Variants in RASA3 observed in about 807,000 individuals in gnomAD.
RASA3 encodes ras GTPase-activating protein 3.
RASA3 carries 73 observed loss-of-function variants against 110.0 expected under a neutral mutation model. That is an observed-to-expected ratio of 0.66 (90% CI 0.55 to 0.81). The LOEUF (loss-of-function observed/expected upper bound fraction) is 0.81, where lower values mean the gene tolerates loss of function less well. Ranked by LOEUF, RASA3 falls within the 30% of genes least tolerant of loss-of-function variation. RASA3 has a pLI of 0.00. For synonymous variants in RASA3, 500 were observed against 451.4 expected, an observed-to-expected ratio of 1.11 and a Z score of -1.37; for missense variants, 976 against 1,113.2, an observed-to-expected ratio of 0.88 and a Z score of 1.75.
chr13:114,023,593 T>C (rs868560284), intron 8 of RASA3, among the ~76,000 whole-genome samples: 1 of 152,244 alleles, frequency 6.6e-6, no homozygotes. Flanking sequence ...GGGCACATTC[T>C]GACGCCTGCC....
At chr13:114,038,141 C>T (rs56326839) in intron 4 of RASA3, among the ~76,000 whole-genome samples, 6,649 of 152,158 alleles carry the variant, frequency 0.044, 211 homozygotes, top group Middle Eastern at 0.11. Flanking sequence ...AACTTGAATC[C>T]GAGGCAAACG....
intron 5 of RASA3, among the ~76,000 whole-genome samples, chr13:114,028,547 G>T (rs1277888346): frequency 6.7e-6 from 1 of 148,316 alleles, no homozygotes; most frequent in African/African-American, 2.5e-5. Context: ...CTCTAAAACA[G>T]CGTCATCCTG....
At chr13:114,118,378 TCTAA>T (rs1027248235) in intron 1 of RASA3, among the ~76,000 whole-genome samples, 2 of 152,112 alleles carry the variant, frequency 1.3e-5, no homozygotes, top group Non-Finnish European at 2.9e-5. Flanking sequence ...ATCACTTTAC[TCTAA>T]CTAATATTTG....
At chr13:114,111,526 AC>A (rs2080220534) in intron 1 of RASA3, among the ~76,000 whole-genome samples, 1 of 148,474 alleles carries the variant, frequency 6.7e-6, no homozygotes, top group African/African-American at 2.5e-5. Flanking sequence ...TGAGCCTCAA[AC>A]GAGCTGCAGG....
At chr13:114,063,815 AC>A (rs796605066) in intron 2 of RASA3, among the ~76,000 whole-genome samples, 5 of 152,256 alleles carry the variant, frequency 3.3e-5, no homozygotes, top group African/African-American at 1.2e-4. Context: ...ACCAGTGTCC[AC>A]CCCCAGCATA....
chr13:114,104,427 A>G (rs996528557), intron 1 of RASA3, among the ~76,000 whole-genome samples: 10 of 151,820 alleles, frequency 6.6e-5, no homozygotes, highest in African/African-American at 2.4e-4. Flanking sequence ...CACCCTGGCC[A>G]GAGGCTCAGT....
In RASA3 at chr13:114,057,475, CTG is replaced by C. The variant is rs1293034518; in HGVS notation, c.174-5322_174-5321del. 1.5e-5 allele frequency: 15 copies of C among 985,310 alleles called. No individual in the cohort carries two copies. The highest frequency in any genetic ancestry group is 6.1e-5 in the Admixed American group (1 of 16,266). The allele number at this position is 985,310 out of a possible 1,614,324, so 61.0% of individuals were successfully genotyped here. A position where few individuals can be genotyped will look rare whatever the true frequency, so the allele number is the denominator to read the frequency against. Reference sequence around the variant, plus strand: ...TTTCAAGGAAAGCTGGAGCCAGTCTCTGTGCCAGAATAGAGGGTTCGTTCAGC... The same window carrying C: ...TTTCAAGGAAAGCTGGAGCCAGTCTCTGCCAGAATAGAGGGTTCGTTCAGC... On this transcript the variant is annotated intron_variant, in intron 2 of 23. Coordinates refer to ENST00000334062, the MANE Select transcript of RASA3 (RefSeq NM_007368.4). This position sits in a 1 kb window ranked among gnomAD's most constrained non-coding sequence, Gnocchi z 5.0.
chr13:114,047,000 C>T (rs1246386086), intron 3 of RASA3, among the ~76,000 whole-genome samples: 1 of 152,130 alleles, frequency 6.6e-6, no homozygotes, highest in African/African-American at 2.4e-5. Flanking sequence ...CCGCCACAAC[C>T]GTGGAATAGG....
At chr13:114,100,082 GGCCAGGGTGGAGAGACCACACT>G (rs2080035312) in intron 1 of RASA3, among the ~76,000 whole-genome samples, 1 of 150,274 alleles carries the variant, frequency 6.7e-6, no homozygotes, top group East Asian at 2.0e-4. Flanking sequence ...AAGAGCGGCA[GGCCAGGGTGGAGAGACCACACT>G]GCCACACCTG....
intron 1 of RASA3, among the ~76,000 whole-genome samples, chr13:114,095,908 T>C (rs2079936064): frequency 6.6e-6 from 1 of 152,268 alleles, no homozygotes; most frequent in African/African-American, 2.4e-5. Flanking sequence ...GTTAAGCTAT[T>C]GTGTTTACTT....
intron 2 of RASA3, among the ~76,000 whole-genome samples, chr13:114,062,570 G>T (rs9562215): frequency 2.5e-5 from 3 of 121,938 alleles, no homozygotes; most frequent in African/African-American, 1.0e-4. Flanking sequence ...ACGCAGACTC[G>T]GACACGCGTG....
chr13:114,100,530 C>T (rs1041584688), intron 1 of RASA3, among the ~76,000 whole-genome samples: 1 of 152,220 alleles, frequency 6.6e-6, no homozygotes. Context: ...CCCTGCGCTG[C>T]GCCCCACGGC....
chr13:113,980,387 T>C (rs2052901177), intron 23 of RASA3, among the ~76,000 whole-genome samples: 1 of 139,858 alleles, frequency 7.2e-6, no homozygotes, highest in South Asian at 2.4e-4. Flanking sequence ...GTGTGCCTCC[T>C]CCCACGTGTG....
At position 114,105,531 on chromosome 13, in the gene RASA3, G is replaced by A. The variant is rs140440040; in HGVS notation, c.55+26904C>T. ...ACTGGCAGCCCCCCTCCTCCAGCAC[G>A]GGGACAGGGACCACCGGCATCGAAG... On this transcript the variant is annotated intron_variant, in intron 1 of 23. Transcript: ENST00000334062. 6.2e-3 allele frequency among the ~76,000 whole-genome samples: 941 copies of A among 152,200 alleles called. 13 individuals carry two copies. The highest frequency in any genetic ancestry group is 0.022 in the African/African-American group (896 of 41,506).
chr13:114,015,640 A>G (rs557913244), intron 13 of RASA3, among the ~76,000 whole-genome samples: 175 of 152,388 alleles, frequency 1.1e-3, no homozygotes, highest in African/African-American at 4.0e-3. Flanking sequence ...TGTCATTTAC[A>G]TACAGAAATG....
At chr13:114,117,405 C>CTGTGAGGGGTGCACGTG (rs1566585637) in intron 1 of RASA3, among the ~76,000 whole-genome samples, 1 of 91,604 alleles carries the variant, frequency 1.1e-5, no homozygotes, top group African/African-American at 4.4e-5. Context: ...GGGAGCACGT[C>CTGTGAGGGGTGCACGTG]TGTGAGGGGT....
At chr13:114,043,233 A>G (rs1481263306) in intron 3 of RASA3, among the ~76,000 whole-genome samples, 1 of 152,190 alleles carries the variant, frequency 6.6e-6, no homozygotes, top group Non-Finnish European at 1.5e-5. Context: ...GCCACAGGAC[A>G]TGGTGGGAGG....
chr13:114,117,125 A>G (rs1337786520), intron 1 of RASA3, among the ~76,000 whole-genome samples: 267 of 53,218 alleles, frequency 5.0e-3, no homozygotes, highest in Middle Eastern at 0.023. Context: ...TGTGTGAGGG[A>G]TGCATGTGTG....
In RASA3 at chr13:114,031,517, C is replaced by T. The variant is rs373749658; in HGVS notation, c.373-1630G>A. ...GCGCGACTGTGTCTGCCTGTCTGTGCGCGTGGCTGTGTGTCCACCTGTGTA... is the reference window on the plus strand; with the variant it reads ...GCGCGACTGTGTCTGCCTGTCTGTGTGCGTGGCTGTGTGTCCACCTGTGTA... On this transcript the variant is annotated intron_variant, in intron 4 of 23. Transcript: ENST00000334062. Among the ~76,000 whole-genome samples the T allele has an allele frequency of 3.7e-3, 511 of 137,776 alleles. 4 individuals carry two copies. Among genetic ancestry groups the T allele is most frequent in the African/African-American group, 0.014 (486 of 34,828 alleles). The allele number at this position is 137,776 out of a possible 152,430, so 90.4% of individuals were successfully genotyped here.
Sources: allele counts gnomAD v4.1 joint callset (sites outside exome capture counted in the v4.1 genomes callset), GRCh38; gene constraint gnomAD v4.1.1; non-coding constraint Gnocchi (gnomAD v3.1); transcripts MANE v1.5; gene names NCBI Gene and HGNC (gene_info 2026-07-23, HGNC 2026-07-21).